Variants in HDC observed in about 807,000 individuals in gnomAD.
HDC encodes the protein histidine decarboxylase.
In HDC, 27 loss-of-function variants were observed where a neutral mutation model predicts 64.4. The observed-to-expected ratio is 0.42, with a 90% CI of 0.31 to 0.58. The LOEUF (loss-of-function observed/expected upper bound fraction) is 0.58. Among genes scored for constraint, HDC ranks in the 20% least tolerant of loss-of-function variants. The pLI is 0.16. For missense variants in HDC, 711 were observed against 833.9 expected, an observed-to-expected ratio of 0.85 and a Z score of 1.81; for synonymous variants, 305 against 314.2, an observed-to-expected ratio of 0.97 and a Z score of 0.31.
rs772945540 is a variant in HDC at position 50,252,703 on chromosome 15, G to A, written c.859C>T (p.Arg287Trp). The A allele has an allele frequency of 4.3e-6, 7 of 1,613,980 alleles. No individual in the cohort carries two copies. The highest frequency in any genetic ancestry group is 2.7e-5 in the African/African-American group (2 of 74,900). The change falls in exon 8 of 12, where the codon CGG becomes TGG. Residue 287 changes from arginine to tryptophan, a missense_variant. Around this residue, in one of 3 missense-constraint regions of HDC, gnomAD observed 483 missense variants for 540.9 expected, o/e 0.89. Transcript: ENST00000267845. ...AGTAFLCPEFRGFLKGIEYAD... is the reference protein window; with the variant it reads ...AGTAFLCPEFWGFLKGIEYAD... Reference sequence around the variant, plus strand: ...TACTCAATCCCCTTCAGAAACCCCCGGAACTCGGGGCACAGGAAGGCAGTG... The same window carrying A: ...TACTCAATCCCCTTCAGAAACCCCCAGAACTCGGGGCACAGGAAGGCAGTG...
chr15:50,252,397 A>C (rs2045567994), intron 9 of HDC, 33 bp downstream of exon 9: 1 of 1,589,660 alleles, frequency 6.3e-7, no homozygotes, highest in African/African-American at 1.3e-5. Context: ...TGGCCACCCG[A>C]GCCCACCAGG....
At chr15:50,259,138 G>C (rs1334720217) in intron 2 of HDC, among the ~76,000 whole-genome samples, 1 of 151,876 alleles carries the variant, frequency 6.6e-6, no homozygotes, top group Non-Finnish European at 1.5e-5. Flanking sequence ...CTCCAGCCTG[G>C]GCGACAGAGC....
At chr15:50,246,159 C>T (rs1244913952) in intron 10 of HDC, among the ~76,000 whole-genome samples, 6 of 152,148 alleles carry the variant, frequency 3.9e-5, no homozygotes, top group Non-Finnish European at 7.3e-5. Context: ...GCAATTACTC[C>T]CTCTGAGCCT....
At chr15:50,247,066 CA>C (rs1355762412) in intron 10 of HDC, among the ~76,000 whole-genome samples, 2 of 152,112 alleles carry the variant, frequency 1.3e-5, no homozygotes, top group African/African-American at 2.4e-5. Flanking sequence ...TGGAGACGCA[CA>C]GTAGAATGAT....
chr15:50,247,939 ACTTTCT>A (rs2045503918), intron 10 of HDC, among the ~76,000 whole-genome samples: 1 of 147,704 alleles, frequency 6.8e-6, no homozygotes, highest in Non-Finnish European at 1.5e-5. Context: ...CCCTTGATTT[ACTTTCT>A]CTTTCTCTTT....
Position 50,242,681 on chromosome 15 carries a change from A to C in HDC, c.1568T>G (p.Ile523Ser), listed in dbSNP as rs2045414939. 2 of 1,614,016 alleles carry C rather than the reference A, an allele frequency of 1.2e-6. No homozygotes were observed. The highest frequency in any genetic ancestry group is 2.7e-5 in the African/African-American group (2 of 74,912). Reference sequence around the variant, plus strand: ...GGCTCCCACACGCTGAGGCTGCTTGATGATCTTCCTGGCCTGGACTGGATC... The same window carrying C: ...GGCTCCCACACGCTGAGGCTGCTTGCTGATCTTCCTGGCCTGGACTGGATC... ...GDDPVQARKI[I>S]KQPQRVGAGP... The change falls in exon 12 of 12, where the codon ATC becomes AGC. Residue 523 changes from isoleucine to serine, a missense_variant. Around this residue, in one of 3 missense-constraint regions of HDC, gnomAD observed 483 missense variants for 540.9 expected, o/e 0.89. Transcript: ENST00000267845.
chr15:50,265,279 CT>C (rs1238469265), intron 1 of HDC, among the ~76,000 whole-genome samples: 2 of 152,046 alleles, frequency 1.3e-5, no homozygotes, highest in African/African-American at 4.8e-5. Flanking sequence ...GAACAATCCC[CT>C]TTTCCCATCT....
chr15:50,256,120 G>A lies in HDC; in HGVS notation c.441+1305C>T, dbSNP rs181001756. ...TCAGTGCTCTTATCTCAAAACATTG[G>A]GGAATGGTACTATTCACCTGCAGGG... On this transcript the variant is annotated intron_variant, in intron 4 of 11. Coordinates refer to ENST00000267845, the MANE Select transcript of HDC (RefSeq NM_002112.4). 5.3e-4 allele frequency among the ~76,000 whole-genome samples: 80 copies of A among 152,286 alleles called. 1 individual carries two copies. The highest frequency in any genetic ancestry group is 1.9e-3 in the African/African-American group (78 of 41,572).
chr15:50,252,354 G>T, intron 9 of HDC, 76 bp downstream of exon 9: 1 of 1,117,382 alleles, frequency 8.9e-7, no homozygotes, highest in Admixed American at 1.7e-5. Context: ...CCACCGTACA[G>T]ATTTTGGGGG....
intron 2 of HDC, among the ~76,000 whole-genome samples, chr15:50,259,034 A>C (rs763113219): frequency 6.6e-6 from 1 of 152,060 alleles, no homozygotes; most frequent in Non-Finnish European, 1.5e-5. Context: ...GGGTGGCAGA[A>C]GCCTGTAGTC....
intron 3 of HDC, among the ~76,000 whole-genome samples, 173 bp from the exon 4 acceptor site, chr15:50,257,720 A>T (rs1253361118): frequency 6.6e-6 from 1 of 152,164 alleles, no homozygotes; most frequent in Non-Finnish European, 1.5e-5. Context: ...CAAAAGAGAA[A>T]ATAATGTGGG....
rs2045647823 is a variant in HDC, at chr15:50,257,484, C to G, written c.382G>C (p.Gly128Arg). Reference protein sequence around the residue: ...NVMDWLAKMLGLPEHFLHHHP... With the variant: ...NVMDWLAKMLRLPEHFLHHHP... ...TGGTGCAAGAAGTGCTCTGGAAGTCCCAGCATTTTTGCCAACCAGTCCATG... is the reference window on the plus strand; with the variant it reads ...TGGTGCAAGAAGTGCTCTGGAAGTCGCAGCATTTTTGCCAACCAGTCCATG... Residue 128 changes from glycine to arginine, a missense_variant, in exon 4 of 12, where the codon GGA becomes CGA. Around this residue, in one of 3 missense-constraint regions of HDC, gnomAD observed 225 missense variants for 276.2 expected, o/e 0.81. Coordinates refer to ENST00000267845, the MANE Select transcript of HDC (RefSeq NM_002112.4). 1 of 1,614,070 alleles carries G rather than the reference C, an allele frequency of 6.2e-7. No homozygotes were observed. The highest frequency in any genetic ancestry group is 1.3e-5 in the African/African-American group (1 of 74,928).
In HDC at chr15:50,265,720, C is replaced by CA; in HGVS notation, c.-98_-97insT. The CA allele has an allele frequency of 8.9e-7, 1 of 1,120,014 alleles. No homozygotes were observed. Among genetic ancestry groups the CA allele is most frequent in the Non-Finnish European group, 1.4e-6 (1 of 736,682 alleles). 69.4% of individuals were successfully genotyped at this position (1,120,014 alleles called of 1,614,324 possible). A position where few individuals can be genotyped will look rare whatever the true frequency, so the allele number is the denominator to read the frequency against. On this transcript the variant is annotated 5_prime_UTR_variant, in exon 1 of 12. Coordinates refer to ENST00000267845, the MANE Select transcript of HDC (RefSeq NM_002112.4). ...CCCGGCTTCCCTCTTGCCAGTCCTG[C>CA]GCACTCCCTGGCAGCCAGTGTGGGC...
At chr15:50,243,377 A>G (rs2045430225) in intron 10 of HDC, 133 bp from the exon 11 acceptor site, 1 of 718,348 alleles carries the variant, frequency 1.4e-6, no homozygotes, top group African/African-American at 1.8e-5. Context: ...CTTCTGCCTC[A>G]TTGTCATCTC....
chr15:50,248,448 A>G lies in HDC; in HGVS notation c.1042-105T>C. On this transcript the variant is annotated intron_variant, in intron 9 of 11. Coordinates refer to ENST00000267845, the MANE Select transcript of HDC (RefSeq NM_002112.4). The surrounding 1 kb of genome is among the most constrained non-coding windows in gnomAD (Gnocchi z 4.3). ...TGCCTGCCCAGCCCTCCAGGGATGG[A>G]CGATGTCACCATGACTCTGGGAGCT... 3 of 776,354 alleles carry G rather than the reference A, an allele frequency of 3.9e-6. No homozygotes were observed. Among genetic ancestry groups the G allele is most frequent in the Non-Finnish European group, 4.5e-6 (2 of 447,616 alleles). The allele number at this position is 776,354 out of a possible 1,614,324, so 48.1% of individuals were successfully genotyped here. A position where few individuals can be genotyped will look rare whatever the true frequency, so the allele number is the denominator to read the frequency against.
At chr15:50,264,145 A>G (rs764441980) in intron 1 of HDC, among the ~76,000 whole-genome samples, 1 of 152,234 alleles carries the variant, frequency 6.6e-6, no homozygotes, top group Non-Finnish European at 1.5e-5. Context: ...ACAGATAGAA[A>G]GATTCCATGC....
intron 9 of HDC, among the ~76,000 whole-genome samples, chr15:50,249,717 C>A (rs866516751): frequency 6.6e-6 from 1 of 152,356 alleles, no homozygotes; most frequent in Middle Eastern, 3.4e-3. Context: ...TAGGGATCAT[C>A]TGTCAAAAGG....
In HDC at chr15:50,242,715, C is replaced by T. The variant is rs565991426; in HGVS notation, c.1534G>A (p.Ala512Thr). The change falls in exon 12 of 12, where the codon GCA becomes ACA. Residue 512 changes from alanine to threonine, a missense_variant. Transcript: ENST00000267845. ...CGTSLQSVSG[A>T]GDDPVQARKI... ...CTGGCCTGGACTGGATCATCTCCTG[C>T]CCCACTGACAGACTGAAGGGACGTT... 5.6e-6 allele frequency: 9 copies of T among 1,613,928 alleles called. No individual in the cohort carries two copies. The highest frequency in any genetic ancestry group is 1.3e-5 in the African/African-American group (1 of 74,914).
Position 50,248,332 on chromosome 15 carries a change from G to T in HDC, c.1053C>A (p.Ile351=), listed in dbSNP as rs1279747947. 1 of 1,613,252 alleles carries T rather than the reference G, an allele frequency of 6.2e-7. No homozygotes were observed. The highest frequency in any genetic ancestry group is 1.3e-5 in the African/African-American group (1 of 74,926). Residue 351 remains isoleucine, a synonymous_variant, in exon 10 of 12, where the codon ATC becomes ATA. Coordinates refer to ENST00000267845, the MANE Select transcript of HDC (RefSeq NM_002112.4). The surrounding 1 kb of genome is among the most constrained non-coding windows in gnomAD (Gnocchi z 4.3). The part of the protein sequence containing the change: ...GVATDFMHWQ[I]PLSRRFRSVK... ...CAGAGCGAAACCGTCGGCTCAGGGG[G>T]ATCTGCCAGTGCTAGAAACAAAGGA...
Sources: allele counts gnomAD v4.1 joint callset (sites outside exome capture counted in the v4.1 genomes callset), GRCh38; gene constraint gnomAD v4.1.1; regional missense constraint gnomAD v4.1.1; non-coding constraint Gnocchi (gnomAD v3.1); transcripts MANE v1.5; gene names NCBI Gene and HGNC (gene_info 2026-07-23, HGNC 2026-07-21).